Variants in LIN9 observed in about 807,000 individuals in gnomAD.
The protein encoded by LIN9 is protein lin-9 homolog.
LIN9 carries 18 observed loss-of-function variants against 78.0 expected under a neutral mutation model. The observed-to-expected ratio is 0.23, with a 90% CI of 0.16 to 0.34. The LOEUF (loss-of-function observed/expected upper bound fraction) is 0.34, where lower values mean the gene tolerates loss of function less well. Among genes scored for constraint, LIN9 ranks in the 10% least tolerant of loss-of-function variants. LIN9 has a pLI of 1.00. For missense variants in LIN9, 451 were observed against 644.1 expected, an observed-to-expected ratio of 0.70 and a Z score of 3.25; for synonymous variants, 192 against 215.2, an observed-to-expected ratio of 0.89 and a Z score of 0.94.
At chr1:226,249,291 A>C (rs141222796) in intron 11 of LIN9, among the ~76,000 whole-genome samples, 46 of 152,324 alleles carry the variant, frequency 3.0e-4, no homozygotes, top group African/African-American at 1.0e-3. Context: ...ACGCACATAC[A>C]TTTCTATGTT....
At chr1:226,305,315 G>GAAAAAAAAA (rs111859953) in intron 1 of LIN9, among the ~76,000 whole-genome samples, 87 of 77,500 alleles carry the variant, frequency 1.1e-3, no homozygotes, top group Non-Finnish European at 1.5e-3. Context: ...ACAAAAAAAA[G>GAAAAAAAAA]AAAAAAAAAA....
chr1:226,289,892 C>T (rs991735282), intron 4 of LIN9, among the ~76,000 whole-genome samples: 3 of 130,636 alleles, frequency 2.3e-5, no homozygotes, highest in African/African-American at 8.7e-5. Flanking sequence ...TCATCCCTTA[C>T]TGCAAAATAA....
intron 11 of LIN9, among the ~76,000 whole-genome samples, chr1:226,242,864 C>T (rs1233964809): frequency 1.3e-5 from 2 of 150,826 alleles, no homozygotes; most frequent in Non-Finnish European, 2.9e-5. Context: ...GATCTACTCC[C>T]GCTTAATGAA....
chr1:226,293,304 C>G (rs1168965661), intron 4 of LIN9, among the ~76,000 whole-genome samples: 3 of 152,116 alleles, frequency 2.0e-5, no homozygotes, highest in African/African-American at 7.2e-5. Context: ...CTAAAAAGGG[C>G]TCTGTAAAAT....
chr1:226,299,278 AG>A (rs1662362857), intron 2 of LIN9, among the ~76,000 whole-genome samples: 1 of 152,048 alleles, frequency 6.6e-6, no homozygotes, highest in Non-Finnish European at 1.5e-5. Flanking sequence ...CCAAAGTGGG[AG>A]GATCACCTGA....
chr1:226,288,776 A>G (rs1661539814), intron 4 of LIN9, among the ~76,000 whole-genome samples: 1 of 152,202 alleles, frequency 6.6e-6, no homozygotes. Flanking sequence ...CTATGAACTA[A>G]GTGGAACTAC....
intron 3 of LIN9, among the ~76,000 whole-genome samples, chr1:226,297,291 T>C (rs1356402038): frequency 1.3e-5 from 2 of 152,184 alleles, no homozygotes; most frequent in Non-Finnish European, 2.9e-5. Flanking sequence ...AAACTGTTAG[T>C]CATGTCAATT....
At chr1:226,309,683 C>A, upstream of LIN9, 2 of 1,283,386 alleles carry the variant, frequency 1.6e-6, no homozygotes. Context: ...CCCGAGACCG[C>A]CGGCCGCAGC....
chr1:226,305,144 T>C (rs1662821466), intron 1 of LIN9, among the ~76,000 whole-genome samples: 1 of 151,370 alleles, frequency 6.6e-6, no homozygotes, highest in South Asian at 2.1e-4. Context: ...CACTCCAGCC[T>C]GGGTGACAGA....
At chr1:226,291,463 T>A (rs1385595525) in intron 4 of LIN9, among the ~76,000 whole-genome samples, 1 of 151,928 alleles carries the variant, frequency 6.6e-6, no homozygotes, top group Admixed American at 6.6e-5. Flanking sequence ...AAAGAAAAAA[T>A]ATATATACAT....
chr1:226,264,700 T>G (rs1035183629), intron 10 of LIN9, among the ~76,000 whole-genome samples: 4 of 151,916 alleles, frequency 2.6e-5, no homozygotes, highest in Non-Finnish European at 5.9e-5. Context: ...ACAAAAAAAA[T>G]TAGCCGGGCA....
chr1:226,273,256 A>ATTTTTTT (rs34679926), intron 7 of LIN9, among the ~76,000 whole-genome samples: 6 of 87,266 alleles, frequency 6.9e-5, no homozygotes, highest in Non-Finnish European at 1.3e-4. Context: ...TAATTAGGTA[A>ATTTTTTT]TTTTTTTTTT....
chr1:226,279,030 G>T (rs543357209), intron 6 of LIN9, among the ~76,000 whole-genome samples: 4 of 151,742 alleles, frequency 2.6e-5, no homozygotes, highest in Non-Finnish European at 5.9e-5. Context: ...GCATGGCGGC[G>T]GGTGCCTGTA....
At chr1:226,267,068 C>A (rs904539424) in intron 8 of LIN9, among the ~76,000 whole-genome samples, 6 of 151,924 alleles carry the variant, frequency 3.9e-5, no homozygotes, top group African/African-American at 1.4e-4. Context: ...GTGTGAGCAA[C>A]CGCGCCTGGC....
At chr1:226,236,010 G>A (rs567004089) in intron 12 of LIN9, among the ~76,000 whole-genome samples, 1 of 152,146 alleles carries the variant, frequency 6.6e-6, no homozygotes, top group East Asian at 1.9e-4. Context: ...AAATCACTCT[G>A]TGTCAGTAAA....
chr1:226,297,800 A>G lies in LIN9; in HGVS notation c.78T>C (p.Ser26=), dbSNP rs753212788. The change falls in exon 3 of 15, where the codon TCT becomes TCC. Residue 26 remains serine (S), a synonymous_variant. Transcript: ENST00000681046. ...AACTGTACTTTTCATTCCACGTGTT[A>G]GATAAGCTTCCTTCTGTAATAAATA... is the stretch of plus-strand genomic sequence containing the variant. ...ALVSLKEGSL[S]NTWNEKYSSL... is the part of the protein sequence containing the mutation. 8.9e-6 allele frequency: 14 copies of G among 1,577,148 alleles called. No individual in the cohort carries two copies. The South Asian group carries it at 1.6e-4, about 18-fold the overall frequency.
chr1:226,246,247 A>G (rs974820309), intron 11 of LIN9, among the ~76,000 whole-genome samples: 3 of 152,188 alleles, frequency 2.0e-5, no homozygotes, highest in Non-Finnish European at 2.9e-5. Flanking sequence ...TTTGTCTACA[A>G]CTGTCCTTGT....
intron 11 of LIN9, among the ~76,000 whole-genome samples, chr1:226,248,412 T>C (rs535094644): frequency 2.0e-5 from 3 of 152,342 alleles, no homozygotes; most frequent in Admixed American, 1.3e-4. Flanking sequence ...TTCTGTTTAC[T>C]TCTTTTTGTA....
chr1:226,254,261 C>T (rs769094372), intron 10 of LIN9, among the ~76,000 whole-genome samples: 1 of 152,160 alleles, frequency 6.6e-6, no homozygotes, highest in Non-Finnish European at 1.5e-5. Flanking sequence ...TAGGTGTGAA[C>T]CACTGTGCCT....
Sources: allele counts gnomAD v4.1 joint callset (sites outside exome capture counted in the v4.1 genomes callset), GRCh38; gene constraint gnomAD v4.1.1; transcripts MANE v1.5; gene names NCBI Gene and HGNC (gene_info 2026-07-23, HGNC 2026-07-21).